LDAF1: variants seen among roughly 807,000 people sequenced by gnomAD.
LDAF1 encodes the protein lipid droplet assembly factor 1, also known as PROMETHIN.
LDAF1 carries 7 observed loss-of-function variants against 13.5 expected under a neutral mutation model. The ratio of observed to expected loss-of-function variants is 0.52; its 90% CI spans 0.29 to 0.97. LDAF1 has a LOEUF of 0.97. LDAF1 is among the 50% of genes least tolerant of loss of function. LDAF1 has a pLI of 0.07. For missense variants in LDAF1, 148 were observed against 193.2 expected, an observed-to-expected ratio of 0.77 and a Z score of 1.39; for synonymous variants, 69 against 77.1, an observed-to-expected ratio of 0.89 and a Z score of 0.55.
intron 2 of LDAF1, chr16:21,166,701 C>G: frequency 3.0e-6 from 2 of 676,994 alleles, no homozygotes. Context: ...TTGTAAAGAT[C>G]AGGTGACACA....
chr16:21,179,602 T>C lies in LDAF1; in HGVS notation c.*46T>C, dbSNP rs2093166243. 1 of 1,547,326 alleles carries C rather than the reference T, an allele frequency of 6.5e-7. No individual in the cohort carries two copies. The highest frequency in any genetic ancestry group is 1.1e-5 in the South Asian group (1 of 87,852). On this transcript the variant is annotated 3_prime_UTR_variant, in exon 5 of 5. Transcript: ENST00000233047. ...CTTCTTTTCAAGTACTGCTGGATCA[T>C]ACTCACCCCTTGGGATTATGGCTTA... is the stretch of plus-strand genomic sequence containing the variant.
rs577664620 is a variant in LDAF1 at position 21,180,034 on chromosome 16, C to G, written c.*478C>G. Reference sequence around the variant, plus strand: ...ATTTGCTTTTTATCAGAAAGAACAGCAACATTTGGCCTCTCCAAGTTGGAA... The same window carrying G: ...ATTTGCTTTTTATCAGAAAGAACAGGAACATTTGGCCTCTCCAAGTTGGAA... On this transcript the variant is annotated 3_prime_UTR_variant, in exon 5 of 5. Coordinates refer to ENST00000233047, the MANE Select transcript of LDAF1 (RefSeq NM_001301771.2). 6.4e-6 allele frequency: 1 copy of G among 155,864 alleles called. No individual in the cohort carries two copies. 9.7% of individuals were successfully genotyped at this position (155,864 alleles called of 1,614,324 possible). A position where few individuals can be genotyped will look rare whatever the true frequency, so the allele number is the denominator to read the frequency against.
intron 2 of LDAF1, among the ~76,000 whole-genome samples, chr16:21,168,502 TTAA>T (rs1323610710): frequency 6.8e-6 from 1 of 146,648 alleles, no homozygotes; most frequent in Non-Finnish European, 1.5e-5. Context: ...AATAATGCTT[TTAA>T]TAATTATAAT....
intron 4 of LDAF1, 44 bp from the exon 5 acceptor site, chr16:21,179,431 T>C (rs1480196804): frequency 5.0e-6 from 8 of 1,613,754 alleles, no homozygotes; most frequent in Non-Finnish European, 6.8e-6. Context: ...CGTTGCTCTT[T>C]ACTGAGGCCC....
At chr16:21,159,429 C>G in intron 1 of LDAF1, 8 of 1,613,946 alleles carry the variant, frequency 5.0e-6, no homozygotes, top group Non-Finnish European at 6.8e-6. Context: ...TCGAGGCGCC[C>G]TGTAGCTCCC....
intron 3 of LDAF1, 112 bp from the exon 4 acceptor site, chr16:21,173,898 T>C: frequency 8.7e-7 from 1 of 1,144,682 alleles, no homozygotes; most frequent in East Asian, 2.7e-5. Flanking sequence ...GGAAATCTTC[T>C]TACTTTAATA....
rs766212497 is a variant in LDAF1, at chr16:21,170,505, G to GC, written c.166dup (p.Leu56ProfsTer90). 178 of 1,614,136 alleles carry GC rather than the reference G, an allele frequency of 1.1e-4. No homozygotes were observed. The highest frequency in any genetic ancestry group is 9.9e-4 in the Middle Eastern group (6 of 6,062). Reference sequence around the variant, plus strand: ...GCCATCCGTTTCTGGCCTTCACCTTGCTGGTGTTCATTGTCATGTCGGCCG... The same window carrying GC: ...GCCATCCGTTTCTGGCCTTCACCTTGCCTGGTGTTCATTGTCATGTCGGCCG... On this transcript the variant is annotated frameshift_variant, in exon 3 of 5. Coordinates refer to ENST00000233047, the MANE Select transcript of LDAF1 (RefSeq NM_001301771.2). LOFTEE classifies it high-confidence loss of function.
At chr16:21,176,678 ATAAC>A (rs1455690962) in intron 4 of LDAF1, among the ~76,000 whole-genome samples, 3 of 152,004 alleles carry the variant, frequency 2.0e-5, no homozygotes, top group Admixed American at 6.6e-5. Flanking sequence ...TATAAAATAA[ATAAC>A]TAACATGACA....
intron 2 of LDAF1, among the ~76,000 whole-genome samples, chr16:21,165,980 C>G (rs1421850922): frequency 2.0e-5 from 3 of 152,096 alleles, no homozygotes; most frequent in Non-Finnish European, 4.4e-5. Flanking sequence ...CCGCCTCAGC[C>G]TCCCAAGTAG....
chr16:21,161,439 C>T (rs2057453112), intron 2 of LDAF1, among the ~76,000 whole-genome samples, 161 bp downstream of exon 2: 1 of 152,244 alleles, frequency 6.6e-6, no homozygotes, highest in South Asian at 2.1e-4. Context: ...CTTCAAACTC[C>T]TTGTCTGAGA....
Sources: gnomAD v4.1 joint callset for allele counts (sites outside exome capture counted in the v4.1 genomes callset) on GRCh38, gnomAD v4.1.1 for gene constraint, MANE v1.5 for transcripts, NCBI Gene and HGNC (gene_info 2026-07-23, HGNC 2026-07-21) for gene names.